Variants in VSNL1 observed in about 807,000 individuals in gnomAD.
The protein encoded by VSNL1 is visinin like 1, also known as visinin-like protein 1.
In VSNL1, 6 loss-of-function variants were observed where a neutral mutation model predicts 20.4. The ratio of observed to expected loss-of-function variants is 0.29; its 90% CI spans 0.16 to 0.58. The LOEUF (loss-of-function observed/expected upper bound fraction) is 0.58, where lower values mean the gene tolerates loss of function less well. Among genes scored for constraint, VSNL1 ranks in the 20% least tolerant of loss-of-function variants. The pLI is 0.90. For missense variants in VSNL1, 100 were observed against 234.5 expected (o/e 0.43, Z 3.75); for synonymous variants, 93 against 86.4 (o/e 1.08, Z -0.42).
At position 17,649,654 on chromosome 2, in the gene VSNL1, G is replaced by C; in HGVS notation, c.378+29G>C. ...AGGCCCGGGGTGTGGTTGGCGGGTG[G>C]TGGGCACAGAAGGAGACCCCACGGC... On this transcript the variant is annotated intron_variant, in intron 3 of 3. Transcript: ENST00000295156. The surrounding 1 kb of genome is among the most constrained non-coding windows in gnomAD (Gnocchi z 6.4). 2 of 1,611,698 alleles carry C rather than the reference G, an allele frequency of 1.2e-6. No individual in the cohort carries two copies. The highest frequency in any genetic ancestry group is 1.7e-6 in the Non-Finnish European group (2 of 1,178,578).
chr2:17,626,262 G>T lies in VSNL1; in HGVS notation c.163-23148G>T, dbSNP rs75662323. On this transcript the variant is annotated intron_variant, in intron 2 of 3. Coordinates refer to ENST00000295156, the MANE Select transcript of VSNL1 (RefSeq NM_003385.5). ...ACCCCTAAGTATTGGCAGACTGTTG[G>T]GAGTTCTGGCCGTAGCTAGCGAATC... Among the ~76,000 whole-genome samples, 207 of 152,298 alleles carry T rather than the reference G, an allele frequency of 1.4e-3. 1 individual carries two copies. Among genetic ancestry groups the T allele is most frequent in the African/African-American group, 4.8e-3 (201 of 41,562 alleles).
chr2:17,578,672 G>A (rs1664275262), intron 1 of VSNL1, among the ~76,000 whole-genome samples: 1 of 152,200 alleles, frequency 6.6e-6, no homozygotes, highest in African/African-American at 2.4e-5. Context: ...CATACAACTT[G>A]CCAAGTCAAA....
chr2:17,622,531 GAAAAGAAAGA>G (rs1665389894), intron 2 of VSNL1, among the ~76,000 whole-genome samples: 1 of 65,592 alleles, frequency 1.5e-5, no homozygotes, highest in African/African-American at 5.1e-5. Flanking sequence ...AAGAAAGAAA[GAAAAGAAAGA>G]AAGAAAGAAA....
intron 1 of VSNL1, among the ~76,000 whole-genome samples, chr2:17,565,984 C>T (rs547841154): frequency 5.6e-4 from 86 of 152,302 alleles, no homozygotes; most frequent in African/African-American, 1.9e-3. Flanking sequence ...GTGTTTGCTT[C>T]CCCTTCTGCT....
At chr2:17,620,917 G>A (rs11677051) in intron 2 of VSNL1, among the ~76,000 whole-genome samples, 35,897 of 152,108 alleles carry the variant, frequency 0.24, 4,535 homozygotes, top group Middle Eastern at 0.29. Flanking sequence ...TTGTTTCAAA[G>A]GAATGCTACT....
chr2:17,632,896 A>G (rs1301764742), intron 2 of VSNL1, among the ~76,000 whole-genome samples: 3 of 152,216 alleles, frequency 2.0e-5, no homozygotes, highest in East Asian at 1.9e-4. Context: ...ACTCATGCCT[A>G]TAATTCTAGC....
intron 3 of VSNL1, among the ~76,000 whole-genome samples, chr2:17,651,957 T>C (rs1012752174): frequency 4.6e-5 from 7 of 152,234 alleles, no homozygotes; most frequent in Non-Finnish European, 7.3e-5. Context: ...TAGCGTGATC[T>C]TTTCGAGGCA....
At chr2:17,650,046 T>C (rs561736973) in intron 3 of VSNL1, among the ~76,000 whole-genome samples, 55 of 152,296 alleles carry the variant, frequency 3.6e-4, no homozygotes, top group Admixed American at 9.1e-4. Context: ...GCTTTGCCCA[T>C]TGTGTTTGTG....
chr2:17,636,294 C>G (rs1047884276), intron 2 of VSNL1, among the ~76,000 whole-genome samples: 1 of 152,010 alleles, frequency 6.6e-6, no homozygotes, highest in Non-Finnish European at 1.5e-5. Context: ...ACTCACTGGC[C>G]TAGAAGACTG....
At chr2:17,563,851 T>C (rs961584809) in intron 1 of VSNL1, among the ~76,000 whole-genome samples, 1 of 152,180 alleles carries the variant, frequency 6.6e-6, no homozygotes, top group African/African-American at 2.4e-5. Context: ...GGTATTGTGA[T>C]TATTTGGTGT....
Position 17,592,244 on chromosome 2 carries a change from G to A in VSNL1, c.162+8G>A, listed in dbSNP as rs763543712. 3.1e-6 allele frequency: 5 copies of A among 1,613,010 alleles called. No homozygotes were observed. In the East Asian group the frequency reaches 6.7e-5, roughly 22 times the overall value. ...CAGCAGCTCTATGTGAAGGTAAGTT[G>A]TTTTTCAACCTTGTTTTTATTCCTT... On this transcript the variant is annotated splice_region_variant and intron_variant, in intron 2 of 3. Coordinates refer to ENST00000295156, the MANE Select transcript of VSNL1 (RefSeq NM_003385.5).
chr2:17,583,188 C>T (rs927612745), intron 1 of VSNL1, among the ~76,000 whole-genome samples: 1 of 152,128 alleles, frequency 6.6e-6, no homozygotes, highest in Non-Finnish European at 1.5e-5. Flanking sequence ...CCACTCACCC[C>T]CTCCACCAAA....
chr2:17,565,428 T>C (rs1663913984), intron 1 of VSNL1, among the ~76,000 whole-genome samples: 1 of 152,174 alleles, frequency 6.6e-6, no homozygotes, highest in African/African-American at 2.4e-5. Flanking sequence ...TTTAATTTGG[T>C]ATGTATTTTC....
chr2:17,544,095 AG>A (rs1398687852), intron 1 of VSNL1, among the ~76,000 whole-genome samples: 1 of 152,230 alleles, frequency 6.6e-6, no homozygotes, highest in African/African-American at 2.4e-5. Flanking sequence ...TTGGAATGCA[AG>A]GCCAGAGGAA....
intron 1 of VSNL1, among the ~76,000 whole-genome samples, chr2:17,583,518 T>C (rs1254433329): frequency 1.3e-5 from 2 of 152,088 alleles, no homozygotes; most frequent in Non-Finnish European, 2.9e-5. Flanking sequence ...CAGAAACACA[T>C]AGGATGGTCA....
rs1053992289 is a variant in VSNL1, at chr2:17,583,521, G to C, written c.-5-8549G>C. On this transcript the variant is annotated intron_variant, in intron 1 of 3. Coordinates refer to ENST00000295156, the MANE Select transcript of VSNL1 (RefSeq NM_003385.5). The stretch of plus-strand genomic sequence containing the variant: ...GAAACCAATTCTCAGAAACACATAG[G>C]ATGGTCAGAGACAGTACACATAGGG... Among the ~76,000 whole-genome samples, 3 of 152,192 alleles carry C rather than the reference G, an allele frequency of 2.0e-5. No homozygotes were observed. In the South Asian group the frequency reaches 6.2e-4, roughly 32 times the overall value.
intron 2 of VSNL1, among the ~76,000 whole-genome samples, chr2:17,628,470 G>A (rs1665558927): frequency 6.6e-6 from 1 of 152,038 alleles, no homozygotes; most frequent in Non-Finnish European, 1.5e-5. Context: ...AGGAAACAGA[G>A]AAGAGTGACA....
intron 2 of VSNL1, among the ~76,000 whole-genome samples, chr2:17,626,759 G>A (rs1337845812): frequency 6.6e-6 from 1 of 152,164 alleles, no homozygotes; most frequent in African/African-American, 2.4e-5. Context: ...TTTCAGTTTG[G>A]AGCATTGTCC....
intron 1 of VSNL1, among the ~76,000 whole-genome samples, chr2:17,555,454 A>G (rs538169194): frequency 7.9e-5 from 12 of 152,284 alleles, no homozygotes; most frequent in Admixed American, 6.5e-4. Context: ...GATCATTGCT[A>G]CTACTGCTAC....
Sources: gnomAD v4.1 joint callset for allele counts (sites outside exome capture counted in the v4.1 genomes callset) on GRCh38, gnomAD v4.1.1 for gene constraint, Gnocchi (gnomAD v3.1) non-coding constraint, MANE v1.5 for transcripts, NCBI Gene and HGNC (gene_info 2026-07-23, HGNC 2026-07-21) for gene names.